Variants in GBP7 observed in about 807,000 individuals in gnomAD.
The protein encoded by GBP7 is guanylate-binding protein 7.
In GBP7, 43 loss-of-function variants were observed where a neutral mutation model predicts 61.3. The ratio of observed to expected loss-of-function variants is 0.70; its 90% CI spans 0.55 to 0.91. GBP7 has a LOEUF of 0.91. Among genes scored for constraint, GBP7 ranks in the 40% least tolerant of loss-of-function variants. GBP7 has a pLI of 0.00. For missense variants in GBP7, 717 were observed against 740.5 expected, an observed-to-expected ratio of 0.97 and a Z score of 0.37; for synonymous variants, 267 against 271.0, an observed-to-expected ratio of 0.99 and a Z score of 0.14.
At chr1:89,134,805 A>G (rs992226032) in intron 9 of GBP7, among the ~76,000 whole-genome samples, 2 of 152,222 alleles carry the variant, frequency 1.3e-5, no homozygotes, top group African/African-American at 2.4e-5. Flanking sequence ...CTTACCTCCA[A>G]ATGAGTCCAC....
chr1:89,150,184 T>C (rs1682159160), intron 6 of GBP7, 146 bp downstream of exon 6: 1 of 697,838 alleles, frequency 1.4e-6, no homozygotes, highest in Non-Finnish European at 2.4e-6. Context: ...TTTTATACCC[T>C]CACTGAGAAA....
intron 8 of GBP7, among the ~76,000 whole-genome samples, chr1:89,144,162 G>T (rs1682015623): frequency 6.6e-6 from 1 of 152,086 alleles, no homozygotes; most frequent in Non-Finnish European, 1.5e-5. Flanking sequence ...ATTCACTTAG[G>T]ATAATGGCCT....
intron 1 of GBP7, among the ~76,000 whole-genome samples, chr1:89,172,682 G>C (rs533603568): frequency 6.6e-6 from 1 of 151,924 alleles, no homozygotes; most frequent in African/African-American, 2.4e-5. Context: ...ACCTTAAAGA[G>C]TTATGTGCCA....
intron 5 of GBP7, among the ~76,000 whole-genome samples, chr1:89,151,543 G>A (rs1682198969): frequency 6.6e-6 from 1 of 152,208 alleles, no homozygotes; most frequent in Non-Finnish European, 1.5e-5. Context: ...ACAAATATTT[G>A]TTGAAAGGAT....
intron 8 of GBP7, among the ~76,000 whole-genome samples, chr1:89,142,606 G>A (rs1681979025): frequency 6.6e-6 from 1 of 152,098 alleles, no homozygotes; most frequent in Admixed American, 6.6e-5. Flanking sequence ...TCCAAAATGG[G>A]AAATTACCAA....
intron 5 of GBP7, 66 bp downstream of exon 5, chr1:89,152,202 A>ATC: frequency 7.0e-7 from 1 of 1,428,814 alleles, no homozygotes; most frequent in Non-Finnish European, 9.6e-7. Context: ...TCAGGTGTTG[A>ATC]ACGGTAGGTC....
At chr1:89,151,196 A>G (rs1337075352) in intron 5 of GBP7, among the ~76,000 whole-genome samples, 3 of 152,146 alleles carry the variant, frequency 2.0e-5, no homozygotes, top group Non-Finnish European at 4.4e-5. Flanking sequence ...CTTCACCCAC[A>G]TGTCCTCATT....
Position 89,149,286 on chromosome 1 carries a change from G to C in GBP7, c.1152+6C>G. 3.8e-6 allele frequency: 6 copies of C among 1,583,332 alleles called. No homozygotes were observed. The highest frequency in any genetic ancestry group is 5.2e-6 in the Non-Finnish European group (6 of 1,163,850). ...AATCAAGAAAAAAAAAAATAACAAAGATTACCACAAGCTTCTTCTGAAATT... is the reference window on the plus strand; with the variant it reads ...AATCAAGAAAAAAAAAAATAACAAACATTACCACAAGCTTCTTCTGAAATT... On this transcript the variant is annotated splice_donor_region_variant and intron_variant, in intron 7 of 10. Transcript: ENST00000294671.
rs748121524 is a variant in GBP7 at position 89,147,646 on chromosome 1, G to A, written c.1286C>T (p.Pro429Leu). The A allele has an allele frequency of 1.4e-5, 22 of 1,613,880 alleles. No homozygotes were observed. Among genetic ancestry groups the A allele is most frequent in the Non-Finnish European group, 1.5e-5 (18 of 1,179,988 alleles). Residue 429 changes from proline (P) to leucine (L), a missense_variant, in exon 8 of 11, where the codon CCG (proline) becomes CTG (leucine). Pro to Leu is a moderately conservative substitution (Grantham distance 98, BLOSUM62 -3). Transcript: ENST00000294671. ...TTCTAAGTAGATATTGTGCCCCCCC[G>A]GAACAAAGAAAGTTCCTCTTGAAAT... ...ESISRGTFFV[P>L]GGHNIYLEAK...
In GBP7 at chr1:89,141,562, T is replaced by A; in HGVS notation, c.1452A>T (p.Gly484=). 6.2e-7 allele frequency: 1 copy of A among 1,613,808 alleles called. No individual in the cohort carries two copies. The highest frequency in any genetic ancestry group is 8.5e-7 in the Non-Finnish European group (1 of 1,179,802). Residue 484 remains glycine (G), a synonymous_variant, in exon 9 of 11, where the codon GGA becomes GGT. Coordinates refer to ENST00000294671, the MANE Select transcript of GBP7 (RefSeq NM_207398.3). The part of the protein sequence containing the change: ...ILQSDKALTA[G]EKAIAAKQAK... ...CCCCTGTACCTGCTATGGCCTTCTC[T>A]CCAGCAGTGAGGGCTTTGTCTGACT...
At chr1:89,157,194 C>T (rs1682336689) in intron 3 of GBP7, among the ~76,000 whole-genome samples, 1 of 152,176 alleles carries the variant, frequency 6.6e-6, no homozygotes, top group African/African-American at 2.4e-5. Flanking sequence ...CTCTGGGACA[C>T]ATTTAAAGAA....
At position 89,149,506 on chromosome 1, in the gene GBP7, T is replaced by C; in HGVS notation, c.938A>G (p.Asn313Ser). ...INSGATPCLE[N>S]AMAVLAQCEN... Reference sequence around the variant, plus strand: ...ACACTGGGCCAGAACTGCCATTGCATTCTCCAGACAAGGAGTCGCTCCACT... The same window carrying C: ...ACACTGGGCCAGAACTGCCATTGCACTCTCCAGACAAGGAGTCGCTCCACT... The change falls in exon 7 of 11, where the codon AAT becomes AGT. Residue 313 changes from asparagine (N) to serine (S), a missense_variant. Physicochemically the swap from Asn to Ser is conservative, Grantham distance 46. Around this residue, in one of 3 missense-constraint regions of GBP7, gnomAD observed 387 missense variants for 385.2 expected, o/e 1.00. Coordinates refer to ENST00000294671, the MANE Select transcript of GBP7 (RefSeq NM_207398.3). 1 of 1,614,170 alleles carries C rather than the reference T, an allele frequency of 6.2e-7. No homozygotes were observed. The highest frequency in any genetic ancestry group is 1.3e-5 in the African/African-American group (1 of 75,052).
Position 89,132,143 on chromosome 1 carries a change from G to T in GBP7, c.*6C>A, listed in dbSNP as rs1418025688. On this transcript the variant is annotated 3_prime_UTR_variant, in exon 11 of 11. Coordinates refer to ENST00000294671, the MANE Select transcript of GBP7 (RefSeq NM_207398.3). ...ACAGCGTTATACCATTTTAACAAAA[G>T]AAACCTCAGCTTATAATTTTCTTAC... is the stretch of plus-strand genomic sequence containing the variant. 3 of 1,595,016 alleles carry T rather than the reference G, an allele frequency of 1.9e-6. No homozygotes were observed. Among genetic ancestry groups the T allele is most frequent in the Non-Finnish European group, 1.7e-6 (2 of 1,172,548 alleles).
At chr1:89,140,911 G>C (rs1681926989) in intron 9 of GBP7, among the ~76,000 whole-genome samples, 1 of 152,164 alleles carries the variant, frequency 6.6e-6, no homozygotes, top group South Asian at 2.1e-4. Flanking sequence ...TGTGGATGCA[G>C]CTGGAGGTCA....
intron 9 of GBP7, among the ~76,000 whole-genome samples, chr1:89,141,196 T>C (rs1019258856): frequency 8.4e-6 from 1 of 118,442 alleles, no homozygotes; most frequent in Non-Finnish European, 1.9e-5. Flanking sequence ...GGACCTAAAA[T>C]AAAAGTTGGA....
chr1:89,134,221 G>A (rs958408437), intron 9 of GBP7, among the ~76,000 whole-genome samples: 2 of 152,298 alleles, frequency 1.3e-5, no homozygotes, highest in Admixed American at 6.5e-5. Flanking sequence ...TGCACTCAAT[G>A]CACCCTCTCC....
chr1:89,161,397 A>G lies in GBP7; in HGVS notation c.318+3334T>C, dbSNP rs554635155. On this transcript the variant is annotated intron_variant, in intron 3 of 10. Coordinates refer to ENST00000294671, the MANE Select transcript of GBP7 (RefSeq NM_207398.3). Reference sequence around the variant, plus strand: ...TAATTTACACTCCCACCAACAATGGATAAGTGTTCCTATTTCTCTACAACC... The same window carrying G: ...TAATTTACACTCCCACCAACAATGGGTAAGTGTTCCTATTTCTCTACAACC... Among the ~76,000 whole-genome samples the G allele has an allele frequency of 9.5e-4, 144 of 152,306 alleles. 1 individual carries two copies. Among genetic ancestry groups the G allele is most frequent in the Non-Finnish European group, 1.4e-3 (97 of 68,024 alleles).
rs894318278 is a variant in GBP7, at chr1:89,147,445, A to G, written c.1365+122T>C. Reference sequence around the variant, plus strand: ...GTGGATTTTAAGATTTAAAATATCAAGGTATTGCCATGCTTCAATTTTTGT... The same window carrying G: ...GTGGATTTTAAGATTTAAAATATCAGGGTATTGCCATGCTTCAATTTTTGT... On this transcript the variant is annotated intron_variant, in intron 8 of 10. Coordinates refer to ENST00000294671, the MANE Select transcript of GBP7 (RefSeq NM_207398.3). The G allele has an allele frequency of 2.0e-5, 14 of 709,584 alleles. No homozygotes were observed. The Admixed American group carries it at 2.1e-4, about 10-fold the overall frequency. The allele number at this position is 709,584 out of a possible 1,614,324, so 44.0% of individuals were successfully genotyped here. A position where few individuals can be genotyped will look rare whatever the true frequency, so the allele number is the denominator to read the frequency against.
chr1:89,172,182 C>T (rs1435502595), intron 1 of GBP7, among the ~76,000 whole-genome samples: 1 of 152,056 alleles, frequency 6.6e-6, no homozygotes, highest in Non-Finnish European at 1.5e-5. Context: ...TGAAGAGTGC[C>T]CATACACCAC....
Sources: gnomAD v4.1 joint callset for allele counts (sites outside exome capture counted in the v4.1 genomes callset) on GRCh38, gnomAD v4.1.1 for gene constraint, gnomAD v4.1.1 regional missense constraint, MANE v1.5 for transcripts, NCBI Gene and HGNC (gene_info 2026-07-23, HGNC 2026-07-21) for gene names.